Variants in AUTS2 observed in about 807,000 individuals in gnomAD.
AUTS2 encodes the protein activator of transcription and developmental regulator AUTS2, also known as autism susceptibility gene 2 protein.
In AUTS2, 17 loss-of-function variants were observed where a neutral mutation model predicts 112.4. The ratio of observed to expected loss-of-function variants is 0.15; its 90% confidence interval spans 0.10 to 0.23. The LOEUF (loss-of-function observed/expected upper bound fraction) is 0.23, where lower values mean the gene tolerates loss of function less well. AUTS2 is among the 10% of genes least tolerant of loss of function. The pLI is 1.00. For synonymous variants in AUTS2, 751 were observed against 702.7 expected (o/e 1.07, Z -1.09); for missense variants, 1,510 against 1,701.6 (o/e 0.89, Z 1.98).
intron 4 of AUTS2, among the ~76,000 whole-genome samples, chr7:70,142,984 T>C (rs570262260): frequency 3.3e-5 from 5 of 152,220 alleles, no homozygotes; most frequent in African/African-American, 1.2e-4. Context: ...TGGAGTTTTA[T>C]TGACTATCAC....
At chr7:69,671,625 C>T (rs1284717847) in intron 1 of AUTS2, among the ~76,000 whole-genome samples, 2 of 151,522 alleles carry the variant, frequency 1.3e-5, no homozygotes, top group African/African-American at 4.8e-5. Context: ...TGGGATGGAT[C>T]TCAGGGTTTT....
chr7:70,542,361 C>T (rs546874097), intron 5 of AUTS2, among the ~76,000 whole-genome samples: 2 of 152,322 alleles, frequency 1.3e-5, no homozygotes, highest in East Asian at 3.9e-4. Flanking sequence ...AGTATCTGAA[C>T]TCCTAGTCTA....
At chr7:69,969,978 C>A (rs1204013344) in intron 2 of AUTS2, among the ~76,000 whole-genome samples, 1 of 152,052 alleles carries the variant, frequency 6.6e-6, no homozygotes, top group East Asian at 1.9e-4. Flanking sequence ...TAACGCATGA[C>A]CAAAAACATT....
chr7:70,450,221 CAT>C (rs1367919301), intron 5 of AUTS2, among the ~76,000 whole-genome samples: 2 of 152,162 alleles, frequency 1.3e-5, no homozygotes, highest in African/African-American at 2.4e-5. Flanking sequence ...AAGACAAAGA[CAT>C]AGAAAACCTT....
chr7:70,335,639 C>T (rs1006004988), intron 4 of AUTS2, among the ~76,000 whole-genome samples: 1 of 152,154 alleles, frequency 6.6e-6, no homozygotes, highest in Non-Finnish European at 1.5e-5. Flanking sequence ...CTGTTGGTGG[C>T]AGGAGGTGAC....
chr7:69,917,576 A>G (rs1175503461), intron 2 of AUTS2, among the ~76,000 whole-genome samples: 8 of 151,646 alleles, frequency 5.3e-5, no homozygotes, highest in Admixed American at 3.9e-4. Flanking sequence ...CTGAGATTTT[A>G]GTGCACCCAT....
chr7:69,877,925 A>C (rs906098268), intron 1 of AUTS2, among the ~76,000 whole-genome samples: 1 of 152,090 alleles, frequency 6.6e-6, no homozygotes, highest in African/African-American at 2.4e-5. Context: ...CAGGCCGTGG[A>C]GAAGATATAG....
intron 5 of AUTS2, among the ~76,000 whole-genome samples, chr7:70,552,954 T>C (rs1801076789): frequency 6.6e-6 from 1 of 152,206 alleles, no homozygotes; most frequent in Non-Finnish European, 1.5e-5. Flanking sequence ...TATAGCATAG[T>C]GTATTAGAAA....
intron 5 of AUTS2, among the ~76,000 whole-genome samples, chr7:70,571,126 A>G (rs1265308453): frequency 6.6e-6 from 1 of 152,234 alleles, no homozygotes; most frequent in African/African-American, 2.4e-5. Flanking sequence ...TGACATTGTT[A>G]TCAGCATTGA....
At chr7:70,300,196 C>A (rs192910073) in intron 4 of AUTS2, among the ~76,000 whole-genome samples, 1 of 152,140 alleles carries the variant, frequency 6.6e-6, no homozygotes, top group East Asian at 1.9e-4. Flanking sequence ...TTGTCTTAGG[C>A]CACGCATAAA....
At chr7:70,044,423 C>G (rs968724645) in intron 2 of AUTS2, among the ~76,000 whole-genome samples, 2 of 152,122 alleles carry the variant, frequency 1.3e-5, no homozygotes, top group Non-Finnish European at 2.9e-5. Flanking sequence ...TCCTTCCCCC[C>G]ACCCTCTGCC....
chr7:70,608,611 T>G lies in AUTS2; in HGVS notation c.691-89958T>G, dbSNP rs1003994064. Among the ~76,000 whole-genome samples the G allele has an allele frequency of 3.9e-5, 6 of 152,354 alleles. No individual in the cohort carries two copies. In the East Asian group the frequency reaches 1.2e-3, roughly 29 times the overall value. On this transcript the variant is annotated intron_variant, in intron 5 of 18. Coordinates refer to ENST00000342771, the MANE Select transcript of AUTS2 (RefSeq NM_015570.4). ...GTAAGAAAATTAAAGGTATTCACGA[T>G]GAACCACCCTGATGAAAGGAAGAAG... is the stretch of plus-strand genomic sequence containing the variant.
At chr7:70,351,173 C>T (rs975757788) in intron 4 of AUTS2, among the ~76,000 whole-genome samples, 2 of 152,010 alleles carry the variant, frequency 1.3e-5, no homozygotes, top group African/African-American at 4.8e-5. Flanking sequence ...TCCTCAGCCT[C>T]CCGAATAGCT....
intron 1 of AUTS2, among the ~76,000 whole-genome samples, chr7:69,780,535 G>A (rs1789099853): frequency 6.6e-6 from 1 of 152,200 alleles, no homozygotes; most frequent in African/African-American, 2.4e-5. Flanking sequence ...CTAGGGCAAA[G>A]AGGAGGAGGG....
At chr7:69,643,768 G>A (rs1247267856) in intron 1 of AUTS2, among the ~76,000 whole-genome samples, 1 of 152,024 alleles carries the variant, frequency 6.6e-6, no homozygotes, top group Non-Finnish European at 1.5e-5. Flanking sequence ...TGAGTGAATT[G>A]TATTCTCCAC....
intron 1 of AUTS2, among the ~76,000 whole-genome samples, chr7:69,623,140 T>C (rs1001326161): frequency 2.0e-5 from 3 of 152,210 alleles, no homozygotes; most frequent in African/African-American, 7.2e-5. Context: ...TTGGTAAACA[T>C]ACTGATTCCT....
chr7:70,003,523 T>C (rs1799340550), intron 2 of AUTS2, among the ~76,000 whole-genome samples: 1 of 126,246 alleles, frequency 7.9e-6, no homozygotes, highest in Non-Finnish European at 1.5e-5. Flanking sequence ...ATATATAATA[T>C]ATATGAATAT....
intron 5 of AUTS2, among the ~76,000 whole-genome samples, chr7:70,661,462 G>A (rs887088785): frequency 1.3e-5 from 2 of 152,218 alleles, no homozygotes; most frequent in African/African-American, 2.4e-5. Context: ...GGGTGGCAGT[G>A]TGAGGACATC....
At chr7:70,551,008 A>T (rs1159119188) in intron 5 of AUTS2, among the ~76,000 whole-genome samples, 2 of 152,142 alleles carry the variant, frequency 1.3e-5, no homozygotes, top group Non-Finnish European at 2.9e-5. Context: ...CTAAAACAAA[A>T]AACAAAACTC....
Sources: gnomAD v4.1 joint callset for allele counts (sites outside exome capture counted in the v4.1 genomes callset) on GRCh38, gnomAD v4.1.1 for gene constraint, MANE v1.5 for transcripts, NCBI Gene and HGNC (gene_info 2026-07-23, HGNC 2026-07-21) for gene names.